Variants in EPN1 observed in about 807,000 individuals in gnomAD.
EPN1 encodes epsin-1.
Under a neutral mutation model 56.9 loss-of-function variants are expected in EPN1, and 25 were observed. That is an observed-to-expected ratio of 0.44 (90% CI 0.32 to 0.61). The LOEUF (loss-of-function observed/expected upper bound fraction) is 0.61, where lower values mean the gene tolerates loss of function less well. Among genes scored for constraint, EPN1 ranks in the 20% least tolerant of loss-of-function variants. EPN1 has a pLI of 0.05. For missense variants in EPN1, 785 were observed against 823.7 expected (o/e 0.95, Z 0.58); for synonymous variants, 411 against 361.8 (o/e 1.14, Z -1.54).
intron 9 of EPN1, 61 bp downstream of exon 9, chr19:55,693,098 C>T: frequency 6.6e-7 from 1 of 1,518,168 alleles, no homozygotes. Context: ...TCTTCGGGAG[C>T]CCCGTCCCTT....
Position 55,701,485 on chromosome 19 carries a change from T to C in EPN1, c.*6129T>C, listed in dbSNP as rs1269215169. Reference sequence around the variant, plus strand: ...AAAAAATGATACTGTTTCCTGTATTTTTTTCTCTTAGTATCTTAAGAAATA... The same window carrying C: ...AAAAAATGATACTGTTTCCTGTATTCTTTTCTCTTAGTATCTTAAGAAATA... On this transcript the variant is annotated 3_prime_UTR_variant, in exon 11 of 11. Coordinates refer to ENST00000270460, the MANE Select transcript of EPN1 (RefSeq NM_001130072.2). 6.6e-6 allele frequency: 1 copy of C among 152,102 alleles called. No individual in the cohort carries two copies. The highest frequency in any genetic ancestry group is 2.4e-5 in the African/African-American group (1 of 41,374). 9.4% of individuals were successfully genotyped at this position (152,102 alleles called of 1,614,324 possible).
Position 55,694,833 on chromosome 19 carries a change from G to A in EPN1, c.1372G>A (p.Ala458Thr), listed in dbSNP as rs1417188263. ...TGAGGCTGTGGGCAGCCCCCCACCT[G>A]CAGCCACACCAACTCCCACGCCCCC... Reference protein sequence around the residue: ...LAEAVGSPPPAATPTPTPPTR... With the variant: ...LAEAVGSPPPTATPTPTPPTR... Residue 458 changes from alanine to threonine, a missense_variant, in exon 10 of 11, where the codon GCA (alanine) becomes ACA (threonine). Around this residue, in one of 2 missense-constraint regions of EPN1, gnomAD observed 650 missense variants for 605.0 expected, o/e 1.07. Transcript: ENST00000270460. The surrounding 1 kb of genome is among the most constrained non-coding windows in gnomAD (Gnocchi z 4.2). The A allele has an allele frequency of 6.2e-7, 1 of 1,609,810 alleles. No homozygotes were observed. The highest frequency in any genetic ancestry group is 8.5e-7 in the Non-Finnish European group (1 of 1,178,538).
chr19:55,689,826 C>T lies in EPN1; in HGVS notation c.679-41C>T. On this transcript the variant is annotated intron_variant, in intron 5 of 10. Transcript: ENST00000270460. The surrounding 1 kb of genome is among the most constrained non-coding windows in gnomAD (Gnocchi z 5.7). ...GCTGAGGTGGCATCTGCCCGTGGCTCACGTTCTCATGTCTCCCTGGTCGTG... is the reference window on the plus strand; with the variant it reads ...GCTGAGGTGGCATCTGCCCGTGGCTTACGTTCTCATGTCTCCCTGGTCGTG... The T allele has an allele frequency of 3.2e-6, 5 of 1,562,640 alleles. No individual in the cohort carries two copies. Among genetic ancestry groups the T allele is most frequent in the Non-Finnish European group, 4.3e-6 (5 of 1,152,338 alleles).
In EPN1 at chr19:55,692,728, C is replaced by T. The variant is rs750089635; in HGVS notation, c.1109C>T (p.Thr370Ile). 2 of 1,568,500 alleles carry T rather than the reference C, an allele frequency of 1.3e-6. No individual in the cohort carries two copies. The highest frequency in any genetic ancestry group is 1.7e-6 in the Non-Finnish European group (2 of 1,157,118). Residue 370 changes from threonine to isoleucine, a missense_variant, in exon 8 of 11, where the codon ACA (threonine) becomes ATA (isoleucine). Coordinates refer to ENST00000270460, the MANE Select transcript of EPN1 (RefSeq NM_001130072.2). ...GGGCCCTCAGCCTCCGATCCCTGGA[C>T]ACCGGCCCCGGCCTTCTCAGATCCC... ...VSGPSASDPW[T>I]PAPAFSDPWG... is the part of the protein sequence containing the mutation.
In EPN1 at chr19:55,695,278, C is replaced by T. The variant is rs1481680787; in HGVS notation, c.1653C>T (p.Pro551=). ...VPGAPPTYIS[P]LGGGPGLPPM... ...GAGCGCCACCCACGTACATCTCTCCCCTTGGCGGGGGCCCTGGCCTGCCCC... is the reference window on the plus strand; with the variant it reads ...GAGCGCCACCCACGTACATCTCTCCTCTTGGCGGGGGCCCTGGCCTGCCCC... Residue 551 remains proline (P), a synonymous_variant, in exon 11 of 11, where the codon CCC becomes CCT. Transcript: ENST00000270460. The surrounding 1 kb of genome is among the most constrained non-coding windows in gnomAD (Gnocchi z 4.4). The T allele has an allele frequency of 6.3e-7, 1 of 1,599,086 alleles. No individual in the cohort carries two copies. Among genetic ancestry groups the T allele is most frequent in the East Asian group, 2.3e-5 (1 of 43,740 alleles).
In EPN1 at chr19:55,707,169, A is replaced by G; in HGVS notation, c.*11813A>G. ...GCACTCCAGCCTGGGCGAGCAACAG[A>G]GTGAGGCTGTCTCTCAAAAAAAAAA... On this transcript the variant is annotated 3_prime_UTR_variant, in exon 11 of 11. Coordinates refer to ENST00000270460, the MANE Select transcript of EPN1 (RefSeq NM_001130072.2). 6.7e-6 allele frequency: 1 copy of G among 148,410 alleles called. No individual in the cohort carries two copies. 9.2% of individuals were successfully genotyped at this position (148,410 alleles called of 1,614,324 possible).
Position 55,694,762 on chromosome 19 carries a change from G to A in EPN1, c.1301G>A (p.Arg434Gln), listed in dbSNP as rs767911630. The change falls in exon 10 of 11, where the codon CGA becomes CAA. Residue 434 changes from arginine to glutamine, a missense_variant. This residue lies in a region of EPN1 where 650 missense variants were observed against 605.0 expected (regional missense o/e 1.07). Transcript: ENST00000270460. The surrounding 1 kb of genome is among the most constrained non-coding windows in gnomAD (Gnocchi z 4.2). ...LELLAGEVPA[R>Q]SPGAFDMSGV... ...CTGCTGGCAGGAGAGGTGCCGGCCC[G>A]AAGCCCTGGGGCGTTTGACATGAGT... The A allele has an allele frequency of 1.3e-6, 2 of 1,593,436 alleles. No individual in the cohort carries two copies. The highest frequency in any genetic ancestry group is 2.3e-5 in the South Asian group (2 of 88,794).
chr19:55,692,039 C>A lies in EPN1; in HGVS notation c.1048C>A (p.Pro350Thr), dbSNP rs760701138. The A allele has an allele frequency of 8.3e-6, 12 of 1,454,494 alleles. No homozygotes were observed. The South Asian group carries it at 1.7e-4, about 21-fold the overall frequency. 90.1% of individuals were successfully genotyped at this position (1,454,494 alleles called of 1,614,324 possible). A position where few individuals can be genotyped will look rare whatever the true frequency, so the allele number is the denominator to read the frequency against. Residue 350 changes from proline (P) to threonine (T), a missense_variant, in exon 7 of 11, where the codon CCA becomes ACA. Around this residue, in one of 2 missense-constraint regions of EPN1, gnomAD observed 650 missense variants for 605.0 expected, o/e 1.07. Transcript: ENST00000270460. ...AGCTGGGGAGGGGCCCACGCCTGAT[C>A]CATGGGGAAGTTCCGATGGTGAGTG... is the stretch of plus-strand genomic sequence containing the variant. ...PAAGEGPTPD[P>T]WGSSDGGVPV... is the part of the protein sequence containing the mutation.
In EPN1 at chr19:55,708,712, G is replaced by A. The variant is rs1987551155; in HGVS notation, c.*13356G>A. 4.8e-6 allele frequency: 2 copies of A among 418,834 alleles called. No individual in the cohort carries two copies. Among genetic ancestry groups the A allele is most frequent in the South Asian group, 8.1e-5 (1 of 12,300 alleles). 25.9% of individuals were successfully genotyped at this position (418,834 alleles called of 1,614,324 possible). A position where few individuals can be genotyped will look rare whatever the true frequency, so the allele number is the denominator to read the frequency against. On this transcript the variant is annotated 3_prime_UTR_variant, in exon 11 of 11. Transcript: ENST00000270460. ...CAGGATGGGATTTCTAAAGACAAGG[G>A]GATATAGGACCGAGGCAAAGACAAT...
At chr19:55,676,823 C>G (rs746413304) in intron 1 of EPN1, 21 of 187,548 alleles carry the variant, frequency 1.1e-4, no homozygotes, top group Non-Finnish European at 2.0e-4. Flanking sequence ...CCCTGTCTTC[C>G]CATGTTCTTG....
chr19:55,706,146 TTCC>T lies in EPN1; in HGVS notation c.*10802_*10804del, dbSNP rs147563696. ...GAGACTGGAGAACTTTGATTTCTTCTTCCTCCTCCTCCTCTCTTTTCTTCTTCC... is the reference window on the plus strand; with the variant it reads ...GAGACTGGAGAACTTTGATTTCTTCTTCCTCCTCCTCTCTTTTCTTCTTCC... On this transcript the variant is annotated 3_prime_UTR_variant, in exon 11 of 11. Coordinates refer to ENST00000270460, the MANE Select transcript of EPN1 (RefSeq NM_001130072.2). The T allele has an allele frequency of 7.4e-5, 14 of 189,884 alleles. No homozygotes were observed. The highest frequency in any genetic ancestry group is 3.4e-4 in the East Asian group (2 of 5,930). 11.8% of individuals were successfully genotyped at this position (189,884 alleles called of 1,614,324 possible).
rs1600104540 is a variant in EPN1, at chr19:55,689,227, G to A, written c.604-70G>A. The A allele has an allele frequency of 7.9e-7, 1 of 1,270,760 alleles. No homozygotes were observed. Among genetic ancestry groups the A allele is most frequent in the East Asian group, 2.5e-5 (1 of 39,478 alleles). 78.7% of individuals were successfully genotyped at this position (1,270,760 alleles called of 1,614,324 possible). ...GCCCTCTCTTTCTTCGGCTCTATCT[G>A]ACCCTGGCTCTGCCTCTGACTCTGC... On this transcript the variant is annotated intron_variant, in intron 4 of 10. Coordinates refer to ENST00000270460, the MANE Select transcript of EPN1 (RefSeq NM_001130072.2). This position sits in a 1 kb window ranked among gnomAD's most constrained non-coding sequence, Gnocchi z 5.7.
chr19:55,694,748 A>T lies in EPN1; in HGVS notation c.1287A>T (p.Gly429=). ...CAGGAGAGCTGGAGCTGCTGGCAGGAGAGGTGCCGGCCCGAAGCCCTGGGG... is the reference window on the plus strand; with the variant it reads ...CAGGAGAGCTGGAGCTGCTGGCAGGTGAGGTGCCGGCCCGAAGCCCTGGGG... ...SSAGELELLA[G]EVPARSPGAF... is the part of the protein sequence containing the mutation. Residue 429 remains glycine (G), a synonymous_variant, in exon 10 of 11, where the codon GGA becomes GGT. Transcript: ENST00000270460. This position sits in a 1 kb window ranked among gnomAD's most constrained non-coding sequence, Gnocchi z 4.2. 3.2e-6 allele frequency: 5 copies of T among 1,581,370 alleles called. No homozygotes were observed. The highest frequency in any genetic ancestry group is 4.3e-6 in the Non-Finnish European group (5 of 1,161,688).
intron 1 of EPN1, chr19:55,676,735 C>T (rs1339110705): frequency 3.2e-5 from 5 of 155,558 alleles, no homozygotes; most frequent in Middle Eastern, 3.1e-3. Flanking sequence ...CCATTAGATT[C>T]CATTTTTCTT....
intron 2 of EPN1, among the ~76,000 whole-genome samples, chr19:55,683,482 G>C (rs955988509): frequency 6.6e-6 from 1 of 152,170 alleles, no homozygotes; most frequent in African/African-American, 2.4e-5. Flanking sequence ...CTCCTGAGTA[G>C]CTGGGATTAC....
rs1412346661 is a variant in EPN1, at chr19:55,695,885, A to G, written c.*529A>G. 1 of 154,880 alleles carries G rather than the reference A, an allele frequency of 6.5e-6. No homozygotes were observed. Among genetic ancestry groups the G allele is most frequent in the Non-Finnish European group, 1.4e-5 (1 of 69,984 alleles). 9.6% of individuals were successfully genotyped at this position (154,880 alleles called of 1,614,324 possible). ...CTGGCAACCAGCCCCTCTGTCTCAG[A>G]AGCCCTGATTTCCCTGACCCTCCCA... On this transcript the variant is annotated 3_prime_UTR_variant, in exon 11 of 11. Transcript: ENST00000270460. The surrounding 1 kb of genome is among the most constrained non-coding windows in gnomAD (Gnocchi z 4.4).
Position 55,685,502 on chromosome 19 carries a change from T to C in EPN1, c.335T>C (p.Val112Ala). Residue 112 changes from valine to alanine, a missense_variant, in exon 3 of 11, where the codon GTG becomes GCG. Physicochemically the swap from Val to Ala is moderately conservative, Grantham distance 64. Around this residue, in one of 2 missense-constraint regions of EPN1, gnomAD observed 135 missense variants for 218.7 expected, o/e 0.62. Coordinates refer to ENST00000270460, the MANE Select transcript of EPN1 (RefSeq NM_001130072.2). ...CAGACGCTGAAGGACTTCCAGTACG[T>C]GGACCGCGACGGCAAGGACCAGGGC... The part of the protein sequence containing the change: ...AVQTLKDFQY[V>A]DRDGKDQGVN... 6.2e-7 allele frequency: 1 copy of C among 1,613,026 alleles called. No homozygotes were observed. The highest frequency in any genetic ancestry group is 8.5e-7 in the Non-Finnish European group (1 of 1,179,532).
chr19:55,676,670 T>C (rs901234019), intron 1 of EPN1: 6 of 155,094 alleles, frequency 3.9e-5, no homozygotes, highest in Non-Finnish European at 7.2e-5. Context: ...CAAGGAGGTG[T>C]GCGCTGCAGG....
In EPN1 at chr19:55,709,007, T is replaced by C; in HGVS notation, c.*13651T>C. The stretch of plus-strand genomic sequence containing the variant: ...ATTTTTTCTTCCACAGACATCAGGA[T>C]CTTCTGAGTTTCTTCATCAAAGCCA... On this transcript the variant is annotated 3_prime_UTR_variant, in exon 11 of 11. Transcript: ENST00000270460. 1 of 1,585,010 alleles carries C rather than the reference T, an allele frequency of 6.3e-7. No individual in the cohort carries two copies. The highest frequency in any genetic ancestry group is 1.2e-5 in the South Asian group (1 of 84,498).
Sources: allele counts gnomAD v4.1 joint callset (sites outside exome capture counted in the v4.1 genomes callset), GRCh38; gene constraint gnomAD v4.1.1; regional missense constraint gnomAD v4.1.1; non-coding constraint Gnocchi (gnomAD v3.1); transcripts MANE v1.5; gene names NCBI Gene and HGNC (gene_info 2026-07-23, HGNC 2026-07-21).